Variants in HLCS observed in about 807,000 individuals in gnomAD.
HLCS encodes biotin--protein ligase.
A neutral mutation model predicts 75.0 loss-of-function variants in HLCS; 53 were observed. That is an observed-to-expected ratio of 0.71 (90% CI 0.57 to 0.89). The LOEUF (loss-of-function observed/expected upper bound fraction) is 0.89, where lower values mean the gene tolerates loss of function less well. Among genes scored for constraint, HLCS ranks in the 40% least tolerant of loss-of-function variants. HLCS has a pLI of 0.00. For synonymous variants in HLCS, 431 were observed against 428.6 expected (o/e 1.01, Z -0.07); for missense variants, 966 against 1,074.0 (o/e 0.90, Z 1.41).
At chr21:36,860,469 T>G (rs2063348796) in intron 6 of HLCS, among the ~76,000 whole-genome samples, 1 of 152,218 alleles carries the variant, frequency 6.6e-6, no homozygotes, top group African/African-American at 2.4e-5. Context: ...TGATGTTTTA[T>G]TGTTAATAAG....
intron 5 of HLCS, among the ~76,000 whole-genome samples, chr21:36,902,021 T>C (rs939470168): frequency 6.6e-6 from 1 of 152,036 alleles, no homozygotes; most frequent in Non-Finnish European, 1.5e-5. Context: ...GTTTGGAAGG[T>C]TGGAAGACGA....
intron 6 of HLCS, among the ~76,000 whole-genome samples, chr21:36,867,982 T>C (rs2063617220): frequency 1.3e-5 from 2 of 151,826 alleles, no homozygotes; most frequent in South Asian, 4.2e-4. Context: ...TGAAACCCCA[T>C]CTCTACTAAA....
chr21:36,754,081 C>A lies in HLCS; in HGVS notation c.*165G>T, dbSNP rs182629388. The stretch of plus-strand genomic sequence containing the variant: ...TCTATCCCAGAGCCTCTTCAAACAC[C>A]AAAGAAAACGACAACAAAACAAACC... On this transcript the variant is annotated 3_prime_UTR_variant, in exon 11 of 11. Transcript: ENST00000674895. 1.0e-5 allele frequency: 8 copies of A among 799,458 alleles called. No individual in the cohort carries two copies. In the African/African-American group the frequency reaches 1.4e-4, roughly 14 times the overall value. The allele number at this position is 799,458 out of a possible 1,614,324, so 49.5% of individuals were successfully genotyped here.
chr21:36,772,262 CATTAT>C, intron 6 of HLCS, among the ~76,000 whole-genome samples: 1 of 151,790 alleles, frequency 6.6e-6, no homozygotes, highest in East Asian at 1.9e-4. Context: ...TAATTATAGA[CATTAT>C]ATTGTTAAAA....
At chr21:36,773,349 C>G (rs940407706) in intron 6 of HLCS, among the ~76,000 whole-genome samples, 1 of 152,246 alleles carries the variant, frequency 6.6e-6, no homozygotes, top group South Asian at 2.1e-4. Context: ...GCCAAGGCCA[C>G]GGAGGGCTGG....
At chr21:36,792,815 C>G (rs370287823) in intron 6 of HLCS, among the ~76,000 whole-genome samples, 3 of 152,162 alleles carry the variant, frequency 2.0e-5, no homozygotes, top group Non-Finnish European at 4.4e-5. Context: ...GGGGCAAGAA[C>G]GAGAGGATGC....
At chr21:36,796,673 A>G (rs2061034984) in intron 6 of HLCS, among the ~76,000 whole-genome samples, 1 of 152,170 alleles carries the variant, frequency 6.6e-6, no homozygotes, top group African/African-American at 2.4e-5. Flanking sequence ...CCACTAACAA[A>G]GAAGGAAGAA....
intron 5 of HLCS, among the ~76,000 whole-genome samples, chr21:36,929,873 C>T (rs2066560514): frequency 2.0e-5 from 3 of 152,242 alleles, no homozygotes; most frequent in African/African-American, 7.2e-5. Context: ...CACAAGATGG[C>T]AGACATTAGC....
At position 36,862,967 on chromosome 21, in the gene HLCS, C is replaced by T. The variant is rs1382427775; in HGVS notation, c.1892+33893G>A. Among the ~76,000 whole-genome samples, 5 of 135,416 alleles carry T rather than the reference C, an allele frequency of 3.7e-5. No individual in the cohort carries two copies. In the East Asian group the frequency reaches 1.1e-3, roughly 29 times the overall value. The allele number at this position is 135,416 out of a possible 152,430, so 88.8% of individuals were successfully genotyped here. ...TCTCTTTTTTTTTTTTTTTTTAAAG[C>T]GACGGGGTCTCATTATGTTGCTCAG... is the stretch of plus-strand genomic sequence containing the variant. On this transcript the variant is annotated intron_variant, in intron 6 of 10. Coordinates refer to ENST00000674895, the MANE Select transcript of HLCS (RefSeq NM_001352514.2).
At position 36,945,711 on chromosome 21, in the gene HLCS, GA is replaced by G. The variant is rs1414481794; in HGVS notation, c.331-6718del. On this transcript the variant is annotated intron_variant, in intron 2 of 10. Transcript: ENST00000674895. Reference sequence around the variant, plus strand: ...GTGTGTGGTTTCTTTCTGGTGTGCTGAAAATGTTTTAGAATTAGATAATGCT... The same window carrying G: ...GTGTGTGGTTTCTTTCTGGTGTGCTGAAATGTTTTAGAATTAGATAATGCT... 2.0e-5 allele frequency among the ~76,000 whole-genome samples: 3 copies of G among 152,196 alleles called. No individual in the cohort carries two copies. In the East Asian group the frequency reaches 5.8e-4, roughly 29 times the overall value.
At chr21:36,888,629 C>T (rs1304010610) in intron 6 of HLCS, among the ~76,000 whole-genome samples, 2 of 151,370 alleles carry the variant, frequency 1.3e-5, no homozygotes, top group African/African-American at 4.9e-5. Flanking sequence ...AACCTAAAAG[C>T]GCCAGAAGTC....
At chr21:36,784,568 A>C (rs1415629867) in intron 6 of HLCS, among the ~76,000 whole-genome samples, 1 of 152,046 alleles carries the variant, frequency 6.6e-6, no homozygotes, top group Non-Finnish European at 1.5e-5. Context: ...CACCCACCTC[A>C]GCTTCCGAAA....
chr21:36,975,798 T>C (rs1245645095), intron 1 of HLCS, among the ~76,000 whole-genome samples: 2 of 151,958 alleles, frequency 1.3e-5, no homozygotes, highest in African/African-American at 2.4e-5. Flanking sequence ...AGACCTTCCA[T>C]TGGACCCACC....
intron 10 of HLCS, among the ~76,000 whole-genome samples, chr21:36,755,074 G>A (rs2089508141): frequency 6.6e-6 from 1 of 151,988 alleles, no homozygotes; most frequent in South Asian, 2.1e-4. Flanking sequence ...ACACACACAA[G>A]CACACATTTT....
intron 1 of HLCS, chr21:36,974,220 C>G (rs1291323388): frequency 2.0e-5 from 3 of 152,306 alleles, no homozygotes; most frequent in Admixed American, 2.0e-4. Flanking sequence ...GAGACATCAG[C>G]AGGGGAAGAA....
At chr21:36,904,966 G>A (rs2065390086) in intron 5 of HLCS, among the ~76,000 whole-genome samples, 1 of 152,206 alleles carries the variant, frequency 6.6e-6, no homozygotes, top group African/African-American at 2.4e-5. Context: ...ATACGCAAAT[G>A]CACCTATTTC....
intron 2 of HLCS, among the ~76,000 whole-genome samples, chr21:36,952,410 G>A (rs2067708073): frequency 6.6e-6 from 1 of 152,196 alleles, no homozygotes; most frequent in South Asian, 2.1e-4. Flanking sequence ...AAGACCCACT[G>A]ATGTCTCTGA....
At chr21:36,799,041 T>C (rs2061116746) in intron 6 of HLCS, among the ~76,000 whole-genome samples, 1 of 152,062 alleles carries the variant, frequency 6.6e-6, no homozygotes, top group African/African-American at 2.4e-5. Context: ...AAAGTCCATT[T>C]TAATCATTTT....
intron 1 of HLCS, among the ~76,000 whole-genome samples, chr21:36,978,245 C>T (rs1397359359): frequency 6.6e-6 from 1 of 152,128 alleles, no homozygotes; most frequent in Admixed American, 6.6e-5. Flanking sequence ...CCTGTAATCC[C>T]AGCACTTTGG....
Sources: gnomAD v4.1 joint callset for allele counts (sites outside exome capture counted in the v4.1 genomes callset) on GRCh38, gnomAD v4.1.1 for gene constraint, MANE v1.5 for transcripts, NCBI Gene and HGNC (gene_info 2026-07-23, HGNC 2026-07-21) for gene names.